Variants in VWC2L observed in about 807,000 individuals in gnomAD.
VWC2L encodes the protein von Willebrand factor C domain containing 2 like.
In VWC2L, 10 loss-of-function variants were observed where a neutral mutation model predicts 21.6. The ratio of observed to expected loss-of-function variants is 0.46; its 90% confidence interval spans 0.29 to 0.78. The LOEUF is 0.78. Among genes scored for constraint, VWC2L ranks in the 30% least tolerant of loss-of-function variants. VWC2L has a pLI of 0.10. For missense variants in VWC2L, 209 were observed against 277.1 expected, an observed-to-expected ratio of 0.75 and a Z score of 1.74; for synonymous variants, 96 against 94.3, an observed-to-expected ratio of 1.02 and a Z score of -0.10.
intron 3 of VWC2L, among the ~76,000 whole-genome samples, chr2:214,447,069 G>A (rs1702848360): frequency 6.6e-6 from 1 of 152,100 alleles, no homozygotes; most frequent in Non-Finnish European, 1.5e-5. Context: ...AACTACCTCT[G>A]TGAAGTGTGC....
intron 3 of VWC2L, among the ~76,000 whole-genome samples, chr2:214,560,033 A>G (rs1689941742): frequency 6.6e-6 from 1 of 151,858 alleles, no homozygotes; most frequent in Non-Finnish European, 1.5e-5. Context: ...TAGAATTCTA[A>G]ATTATCATGT....
rs10183798 is a variant in VWC2L at position 214,452,365 on chromosome 2, T to C, written c.520+15607T>C. The stretch of plus-strand genomic sequence containing the variant: ...TTTTGCCATGTTGCCCAGGCTAGTC[T>C]CTACTCTTTTTCATCTAGCTTTTTT... On this transcript the variant is annotated intron_variant, in intron 3 of 3. Coordinates refer to ENST00000312504, the MANE Select transcript of VWC2L (RefSeq NM_001080500.4). 2.9e-3 allele frequency among the ~76,000 whole-genome samples: 448 copies of C among 152,284 alleles called. 1 individual carries two copies. Among genetic ancestry groups the C allele is most frequent in the African/African-American group, 0.01 (431 of 41,572 alleles).
intron 3 of VWC2L, among the ~76,000 whole-genome samples, chr2:214,541,555 G>T (rs1689627653): frequency 6.6e-6 from 1 of 152,188 alleles, no homozygotes; most frequent in African/African-American, 2.4e-5. Context: ...GGTAGTGCAT[G>T]GATGAAAATG....
rs1689220261 is a variant in VWC2L at position 214,520,493 on chromosome 2, A to C, written c.521-55179A>C. On this transcript the variant is annotated intron_variant, in intron 3 of 3. Coordinates refer to ENST00000312504, the MANE Select transcript of VWC2L (RefSeq NM_001080500.4). ...CTTCCTTGACCATGAGTCTTTGTTC[A>C]TGATTCACTTATTTCCCGAGACTGG... Among the ~76,000 whole-genome samples the C allele has an allele frequency of 9.2e-5, 14 of 152,306 alleles. No individual in the cohort carries two copies. In the South Asian group the frequency reaches 2.7e-3, roughly 29 times the overall value.
At chr2:214,508,517 T>C (rs1030926947) in intron 3 of VWC2L, among the ~76,000 whole-genome samples, 4 of 152,252 alleles carry the variant, frequency 2.6e-5, no homozygotes, top group African/African-American at 9.6e-5. Context: ...TATAAACACA[T>C]TGATAATTTA....
rs545587121 is a variant in VWC2L at position 214,572,026 on chromosome 2, C to T, written c.521-3646C>T. On this transcript the variant is annotated intron_variant, in intron 3 of 3. Coordinates refer to ENST00000312504, the MANE Select transcript of VWC2L (RefSeq NM_001080500.4). ...CAAACTCCTGGGCTCAAGTGATCCT[C>T]CTGCCTCAGCCTCCTAAAGTGCTGG... Among the ~76,000 whole-genome samples the T allele has an allele frequency of 6.6e-5, 10 of 152,278 alleles. 1 individual carries two copies. The South Asian group carries it at 2.1e-3, about 32-fold the overall frequency.
At chr2:214,495,759 A>T (rs560351780) in intron 3 of VWC2L, among the ~76,000 whole-genome samples, 2 of 152,310 alleles carry the variant, frequency 1.3e-5, no homozygotes, top group South Asian at 4.1e-4. Context: ...CAAGGCACTA[A>T]AACTTTCACT....
At position 214,414,404 on chromosome 2, in the gene VWC2L, C is replaced by A. The variant is rs937017932; in HGVS notation, c.211C>A (p.His71Asn). ...YKLGERFFPG[H>N]SNCPCVCALD... is the part of the protein sequence containing the mutation. Reference sequence around the variant, plus strand: ...GTTGGGAGAACGATTTTTCCCTGGGCATTCCAACTGTCCATGTGTCTGTGC... The same window carrying A: ...GTTGGGAGAACGATTTTTCCCTGGGAATTCCAACTGTCCATGTGTCTGTGC... The change falls in exon 2 of 4, where the codon CAT becomes AAT. Residue 71 changes from histidine (H) to asparagine (N), a missense_variant. By Grantham distance (68) the His-to-Asn change is moderately conservative. Transcript: ENST00000312504. 2.5e-6 allele frequency: 4 copies of A among 1,613,620 alleles called. No homozygotes were observed. In the Admixed American group the frequency reaches 5.0e-5, roughly 20 times the overall value.
chr2:214,419,477 G>A (rs1702402396), intron 2 of VWC2L, among the ~76,000 whole-genome samples: 1 of 152,030 alleles, frequency 6.6e-6, no homozygotes. Context: ...TTATACTTTA[G>A]AACTTGTACT....
chr2:214,522,503 T>C (rs79597687), intron 3 of VWC2L, among the ~76,000 whole-genome samples: 4,759 of 152,094 alleles, frequency 0.031, 104 homozygotes, highest in Non-Finnish European at 0.046. Flanking sequence ...ACAGGAGACA[T>C]TGGGGTACAG....
At chr2:214,570,732 C>T (rs1476510557) in intron 3 of VWC2L, among the ~76,000 whole-genome samples, 1 of 152,072 alleles carries the variant, frequency 6.6e-6, no homozygotes, top group Non-Finnish European at 1.5e-5. Flanking sequence ...ACCTTTTCCT[C>T]TTTGCTCCTA....
At chr2:214,495,145 T>C (rs1004311274) in intron 3 of VWC2L, among the ~76,000 whole-genome samples, 4 of 152,188 alleles carry the variant, frequency 2.6e-5, no homozygotes, top group South Asian at 4.1e-4. Flanking sequence ...CTTCTCAAGA[T>C]TGGAAAACAT....
At chr2:214,575,060 C>T (rs776860460) in intron 3 of VWC2L, among the ~76,000 whole-genome samples, 1 of 144,588 alleles carries the variant, frequency 6.9e-6, no homozygotes, top group Admixed American at 6.8e-5. Context: ...AAAAAAAGAG[C>T]CAGCAGATTA....
chr2:214,465,361 C>T (rs893328028), intron 3 of VWC2L, among the ~76,000 whole-genome samples: 1 of 152,158 alleles, frequency 6.6e-6, no homozygotes, highest in Non-Finnish European at 1.5e-5. Flanking sequence ...TGGATTCTGC[C>T]AGGACTGGGT....
intron 3 of VWC2L, among the ~76,000 whole-genome samples, chr2:214,546,660 TATA>T (rs1689711380): frequency 6.6e-6 from 1 of 152,210 alleles, no homozygotes; most frequent in African/African-American, 2.4e-5. Context: ...TGATTTCTAT[TATA>T]ATATTTGCAT....
Position 214,514,639 on chromosome 2 carries a change from T to A in VWC2L, c.521-61033T>A, listed in dbSNP as rs147131686. Among the ~76,000 whole-genome samples, 4 of 152,304 alleles carry A rather than the reference T, an allele frequency of 2.6e-5. No homozygotes were observed. The South Asian group carries it at 6.2e-4, about 24-fold the overall frequency. On this transcript the variant is annotated intron_variant, in intron 3 of 3. Coordinates refer to ENST00000312504, the MANE Select transcript of VWC2L (RefSeq NM_001080500.4). ...TTTGCAATCCTGTGTCCTACAACAA[T>A]AGGATATTAAGTGCCTATAGCACTT... is the stretch of plus-strand genomic sequence containing the variant.
chr2:214,490,408 C>T (rs1688730093), intron 3 of VWC2L, among the ~76,000 whole-genome samples: 1 of 129,952 alleles, frequency 7.7e-6, no homozygotes, highest in South Asian at 2.5e-4. Context: ...ACCCTCAGAC[C>T]ATTTAATTGG....
intron 3 of VWC2L, among the ~76,000 whole-genome samples, chr2:214,572,182 T>G (rs1559335185): frequency 6.6e-6 from 1 of 152,224 alleles, no homozygotes; most frequent in Admixed American, 6.5e-5. Context: ...TCACATGATG[T>G]GTAAGTGTGT....
chr2:214,430,884 G>T (rs1189249639), intron 2 of VWC2L, among the ~76,000 whole-genome samples: 1 of 152,060 alleles, frequency 6.6e-6, no homozygotes, highest in Non-Finnish European at 1.5e-5. Context: ...AATTCTTAAA[G>T]AAGTTTCAGC....
Sources: gnomAD v4.1 joint callset for allele counts (sites outside exome capture counted in the v4.1 genomes callset) on GRCh38, gnomAD v4.1.1 for gene constraint, MANE v1.5 for transcripts, NCBI Gene and HGNC (gene_info 2026-07-23, HGNC 2026-07-21) for gene names.